The following ST18 variants were observed in gnomAD, a reference collection of about 807,000 sequenced individuals.
The protein encoded by ST18 is suppression of tumorigenicity 18 protein.
Under a neutral mutation model 110.0 loss-of-function variants are expected in ST18, and 50 were observed. The ratio of observed to expected loss-of-function variants is 0.45; its 90% confidence interval spans 0.36 to 0.58. The LOEUF is 0.58. Among genes scored for constraint, ST18 ranks in the 20% least tolerant of loss-of-function variants. ST18 has a pLI of 0.00. For synonymous variants in ST18, 461 were observed against 452.4 expected, an observed-to-expected ratio of 1.02 and a Z score of -0.24; for missense variants, 1,306 against 1,280.1, an observed-to-expected ratio of 1.02 and a Z score of -0.31.
chr8:52,236,145 G>T (rs16917549), intron 2 of ST18, among the ~76,000 whole-genome samples: 10,138 of 152,140 alleles, frequency 0.067, 675 homozygotes, highest in African/African-American at 0.16. Context: ...ATCAGAGGAG[G>T]CTTCCAGCAA....
intron 2 of ST18, among the ~76,000 whole-genome samples, chr8:52,287,864 C>T (rs987546939): frequency 4.6e-5 from 7 of 152,120 alleles, no homozygotes; most frequent in Admixed American, 1.3e-4. Flanking sequence ...CTAATTTTAC[C>T]GGAGTCAATT....
chr8:52,243,312 A>G (rs2093591034), intron 2 of ST18, among the ~76,000 whole-genome samples: 2 of 152,212 alleles, frequency 1.3e-5, no homozygotes, highest in Non-Finnish European at 2.9e-5. Flanking sequence ...TTAATGTGAC[A>G]GATGCTATTA....
chr8:52,390,229 C>T lies in ST18; in HGVS notation c.-465+19099G>A, dbSNP rs185694816. Among the ~76,000 whole-genome samples, 18 of 152,288 alleles carry T rather than the reference C, an allele frequency of 1.2e-4. 1 individual carries two copies. Among genetic ancestry groups the T allele is most frequent in the African/African-American group, 4.3e-4 (18 of 41,558 alleles). ...ACACAGCTTCAGAGTGGCACACCTC[C>T]CTTCCTCCCTTCCCGTTATCTCCCT... On this transcript the variant is annotated intron_variant, in intron 2 of 25. Transcript: ENST00000689386.
chr8:52,306,240 C>T (rs1254472117), intron 2 of ST18, among the ~76,000 whole-genome samples: 2 of 152,180 alleles, frequency 1.3e-5, no homozygotes, highest in African/African-American at 4.8e-5. Context: ...AATTTGGTGC[C>T]TCTTTACCCT....
At chr8:52,388,550 G>C (rs1837804029) in intron 2 of ST18, among the ~76,000 whole-genome samples, 1 of 152,082 alleles carries the variant, frequency 6.6e-6, no homozygotes. Flanking sequence ...ATAAAGTGTT[G>C]AGTATTGGTC....
chr8:52,145,511 G>A (rs2056941049), intron 16 of ST18, among the ~76,000 whole-genome samples: 1 of 152,008 alleles, frequency 6.6e-6, no homozygotes, highest in South Asian at 2.1e-4. Context: ...AAATCCAGGT[G>A]GCTGTCACTA....
intron 2 of ST18, among the ~76,000 whole-genome samples, chr8:52,311,535 C>T (rs765496801): frequency 2.0e-5 from 3 of 152,108 alleles, no homozygotes; most frequent in Non-Finnish European, 2.9e-5. Context: ...ACTGCTATAA[C>T]GATACTACCA....
At chr8:52,225,852 T>C (rs535341612) in intron 3 of ST18, among the ~76,000 whole-genome samples, 1 of 152,324 alleles carries the variant, frequency 6.6e-6, no homozygotes, top group South Asian at 2.1e-4. Context: ...TCTCCCAGTC[T>C]GTATTGTTAC....
chr8:52,134,026 C>T (rs1001425238), intron 19 of ST18, among the ~76,000 whole-genome samples: 2 of 152,086 alleles, frequency 1.3e-5, no homozygotes, highest in African/African-American at 4.8e-5. Flanking sequence ...CCACTGTGCC[C>T]CGCCTCCAAA....
At chr8:52,275,320 T>C (rs2095208781) in intron 2 of ST18, among the ~76,000 whole-genome samples, 1 of 152,230 alleles carries the variant, frequency 6.6e-6, no homozygotes. Flanking sequence ...ATGTTGCCTA[T>C]TATGTCCTTT....
chr8:52,317,538 T>C (rs1376998551), intron 2 of ST18, among the ~76,000 whole-genome samples: 1 of 152,222 alleles, frequency 6.6e-6, no homozygotes, highest in Non-Finnish European at 1.5e-5. Context: ...CTTGTGGTAA[T>C]TTGTTAAATC....
chr8:52,387,980 T>A (rs1381345098), intron 2 of ST18, among the ~76,000 whole-genome samples: 2 of 107,266 alleles, frequency 1.9e-5, no homozygotes, highest in South Asian at 3.4e-4. Context: ...CGCCGGGCAC[T>A]ATTCTACAGA....
chr8:52,149,772 T>G lies in ST18; in HGVS notation c.2012A>C (p.Asn671Thr), dbSNP rs766171208. The G allele has an allele frequency of 1.2e-6, 2 of 1,614,138 alleles. No individual in the cohort carries two copies. The part of the protein sequence containing the change: ...CDQEGWDTPI[N>T]YSKTHGKTEE... ...TGTCTTCCCGTGAGTTTTGCTATAG[T>G]TGATAGGAGTGTCCCAGCCCTCTTG... The change falls in exon 16 of 26, where the codon AAC (asparagine) becomes ACC (threonine). Residue 671 changes from asparagine to threonine, a missense_variant. Physicochemically the swap from Asn to Thr is moderately conservative, Grantham distance 65. Transcript: ENST00000689386.
chr8:52,332,530 CTTTTTT>C (rs140331895), intron 2 of ST18, among the ~76,000 whole-genome samples: 1 of 49,768 alleles, frequency 2.0e-5, no homozygotes, highest in Non-Finnish European at 3.9e-5. Context: ...TCTAATGTAG[CTTTTTT>C]TTTTTTTTTT....
chr8:52,288,985 T>C (rs1023071053), intron 2 of ST18, among the ~76,000 whole-genome samples: 1 of 152,106 alleles, frequency 6.6e-6, no homozygotes, highest in Non-Finnish European at 1.5e-5. Context: ...CTGGAACCTT[T>C]CTCCATTTTC....
chr8:52,205,700 T>C (rs770340792), intron 8 of ST18, among the ~76,000 whole-genome samples: 8 of 152,126 alleles, frequency 5.3e-5, no homozygotes, highest in South Asian at 2.1e-4. Context: ...CCTGAGTAGA[T>C]GGGATTACAG....
chr8:52,340,463 G>C (rs1169497593), intron 2 of ST18, among the ~76,000 whole-genome samples: 1 of 152,178 alleles, frequency 6.6e-6, no homozygotes. Flanking sequence ...ACAAGACGTG[G>C]CTCTATGACC....
intron 3 of ST18, among the ~76,000 whole-genome samples, chr8:52,228,277 A>C (rs1172720007): frequency 3.3e-5 from 5 of 152,354 alleles, no homozygotes; most frequent in African/African-American, 1.2e-4. Context: ...GCAGGAATAA[A>C]AGTCAAATGT....
chr8:52,359,384 G>A (rs1023334679), intron 2 of ST18, among the ~76,000 whole-genome samples: 3 of 152,042 alleles, frequency 2.0e-5, no homozygotes, highest in Admixed American at 2.0e-4. Flanking sequence ...AGGAGGAAGA[G>A]GCAAAGAAAG....
Sources: gnomAD v4.1 joint callset for allele counts (sites outside exome capture counted in the v4.1 genomes callset) on GRCh38, gnomAD v4.1.1 for gene constraint, MANE v1.5 for transcripts, NCBI Gene and HGNC (gene_info 2026-07-23, HGNC 2026-07-21) for gene names.